Variants in PARP15 observed in about 807,000 individuals in gnomAD.
PARP15 encodes the protein protein mono-ADP-ribosyltransferase PARP15.
PARP15 carries 50 observed loss-of-function variants against 62.1 expected under a neutral mutation model. The observed-to-expected ratio is 0.81, with a 90% CI of 0.64 to 1.02. The LOEUF (loss-of-function observed/expected upper bound fraction) is 1.02, where lower values mean the gene tolerates loss of function less well. Among genes scored for constraint, PARP15 ranks in the 50% least tolerant of loss-of-function variants. PARP15 has a pLI of 0.00. For synonymous variants in PARP15, 309 were observed against 293.1 expected (o/e 1.05, Z -0.55); for missense variants, 820 against 826.5 (o/e 0.99, Z 0.10).
intron 6 of PARP15, 106 bp from the exon 7 acceptor site, chr3:122,619,675 G>A: frequency 1.0e-6 from 1 of 979,420 alleles, no homozygotes; most frequent in East Asian, 2.4e-5. Context: ...GGTGGTCAAT[G>A]GATTATGCAC....
chr3:122,613,403 T>G, intron 4 of PARP15, 135 bp downstream of exon 4: 1 of 750,826 alleles, frequency 1.3e-6, no homozygotes, highest in Non-Finnish European at 2.2e-6. Context: ...GAGGTTGTCA[T>G]ATGACTTAAC....
chr3:122,605,158 T>C (rs1350748880), intron 1 of PARP15, among the ~76,000 whole-genome samples: 2 of 152,186 alleles, frequency 1.3e-5, no homozygotes. Flanking sequence ...GCAAGGTTGC[T>C]GCTGTATTTT....
At chr3:122,630,163 G>A (rs1454202745) in intron 9 of PARP15, among the ~76,000 whole-genome samples, 3 of 152,174 alleles carry the variant, frequency 2.0e-5, no homozygotes, top group Non-Finnish European at 4.4e-5. Context: ...CTGTGAAGCC[G>A]TGGGCTGCAA....
intron 1 of PARP15, among the ~76,000 whole-genome samples, chr3:122,586,816 AG>A (rs1425398100): frequency 2.0e-5 from 3 of 151,952 alleles, no homozygotes; most frequent in African/African-American, 7.3e-5. Context: ...TATCACCCAA[AG>A]CCCCTAGTTT....
intron 2 of PARP15, among the ~76,000 whole-genome samples, chr3:122,609,257 A>G (rs1288422847): frequency 6.6e-6 from 1 of 152,210 alleles, no homozygotes; most frequent in Non-Finnish European, 1.5e-5. Context: ...TGCTAACTTC[A>G]TATAATACCT....
intron 9 of PARP15, among the ~76,000 whole-genome samples, chr3:122,628,789 G>A (rs543613642): frequency 1.6e-4 from 24 of 152,264 alleles, no homozygotes; most frequent in South Asian, 4.1e-4. Flanking sequence ...ACTGCATTAC[G>A]TCATCTTTGT....
chr3:122,611,977 G>A (rs574578373), intron 3 of PARP15, among the ~76,000 whole-genome samples: 57 of 152,190 alleles, frequency 3.7e-4, no homozygotes, highest in Non-Finnish European at 7.1e-4. Context: ...TCCTCCCAAA[G>A]TGCTGGGATT....
chr3:122,634,805 G>T (rs764180901), intron 10 of PARP15, among the ~76,000 whole-genome samples: 7 of 152,188 alleles, frequency 4.6e-5, no homozygotes, highest in Non-Finnish European at 8.8e-5. Context: ...ACAAAGCATA[G>T]ACACTAATAG....
rs911520122 is a variant in PARP15 at position 122,615,500 on chromosome 3, A to G, written c.772-279A>G. On this transcript the variant is annotated intron_variant, in intron 4 of 11. Coordinates refer to ENST00000464300, the MANE Select transcript of PARP15 (RefSeq NM_001113523.3). ...AGGGATAACGATAGTGGTCACAAAA[A>G]AGGCATGTGACTTCCTGCAGAGCCA... 3.9e-5 allele frequency: 46 copies of G among 1,179,492 alleles called. 1 individual carries two copies. Among genetic ancestry groups the G allele is most frequent in the Non-Finnish European group, 4.4e-5 (39 of 884,444 alleles). 73.1% of individuals were successfully genotyped at this position (1,179,492 alleles called of 1,614,324 possible).
At chr3:122,635,262 G>T (rs1937289988) in intron 11 of PARP15, 68 bp downstream of exon 11, 2 of 1,457,928 alleles carry the variant, frequency 1.4e-6, no homozygotes, top group African/African-American at 2.8e-5. Flanking sequence ...TCATACCCAA[G>T]CAGTGTGGAA....
chr3:122,633,815 G>C (rs902420101), intron 10 of PARP15, among the ~76,000 whole-genome samples: 12 of 152,196 alleles, frequency 7.9e-5, no homozygotes, highest in African/African-American at 2.9e-4. Flanking sequence ...TTTCAATTGT[G>C]TTTACACAAT....
chr3:122,584,573 C>CTTTTTT (rs377394521), intron 1 of PARP15, among the ~76,000 whole-genome samples: 11,019 of 136,024 alleles, frequency 0.081, 650 homozygotes, highest in Admixed American at 0.11. Flanking sequence ...CCATTTCTTT[C>CTTTTTT]CTTTTTTTTT....
At chr3:122,623,106 C>G (rs538683535) in intron 8 of PARP15, among the ~76,000 whole-genome samples, 22 of 152,156 alleles carry the variant, frequency 1.4e-4, no homozygotes, top group Non-Finnish European at 2.8e-4. Context: ...TTGCTATCGG[C>G]GGTAATGAGG....
chr3:122,612,368 C>CTTT (rs111945019), intron 3 of PARP15, among the ~76,000 whole-genome samples: 5 of 143,924 alleles, frequency 3.5e-5, no homozygotes, highest in African/African-American at 1.3e-4. Context: ...TATTCTCTCT[C>CTTT]TTTTTTTTTT....
chr3:122,605,813 C>T (rs922165810), intron 1 of PARP15, 123 bp from the exon 2 acceptor site: 2 of 944,106 alleles, frequency 2.1e-6, no homozygotes, highest in Middle Eastern at 2.6e-4. Context: ...AACTCCTGGG[C>T]TCAAGTGATT....
In PARP15 at chr3:122,581,283, A is replaced by T. The variant is rs547346467; in HGVS notation, c.186+3430A>T. ...TATTTTTAATTTTTTTGGGACTGCC[A>T]TGCTGTTTTCCATAGCAACCAAATC... On this transcript the variant is annotated intron_variant, in intron 1 of 11. Coordinates refer to ENST00000464300, the MANE Select transcript of PARP15 (RefSeq NM_001113523.3). 2.6e-5 allele frequency among the ~76,000 whole-genome samples: 4 copies of T among 152,316 alleles called. No individual in the cohort carries two copies. In the East Asian group the frequency reaches 7.7e-4, roughly 29 times the overall value.
At chr3:122,588,612 T>C (rs1329966892) in intron 1 of PARP15, among the ~76,000 whole-genome samples, 2 of 152,068 alleles carry the variant, frequency 1.3e-5, no homozygotes, top group East Asian at 1.9e-4. Context: ...GAACCATGAT[T>C]GCGCCACTGC....
chr3:122,636,312 G>C lies in PARP15; in HGVS notation c.*212G>C. ...ATGGGTGGAAGCTGAGAAATGTATG[G>C]TAAATGTCACAGAGCTACAACCATT... is the stretch of plus-strand genomic sequence containing the variant. On this transcript the variant is annotated 3_prime_UTR_variant, in exon 12 of 12. Transcript: ENST00000464300. 1 of 547,632 alleles carries C rather than the reference G, an allele frequency of 1.8e-6. No individual in the cohort carries two copies. Among genetic ancestry groups the C allele is most frequent in the Middle Eastern group, 5.0e-4 (1 of 2,018 alleles). 33.9% of individuals were successfully genotyped at this position (547,632 alleles called of 1,614,324 possible). A position where few individuals can be genotyped will look rare whatever the true frequency, so the allele number is the denominator to read the frequency against.
chr3:122,595,501 G>A (rs965029439), intron 1 of PARP15, among the ~76,000 whole-genome samples: 7 of 151,998 alleles, frequency 4.6e-5, no homozygotes, highest in Admixed American at 1.3e-4. Flanking sequence ...TTTTTCACTC[G>A]CTGCTAGGAC....
Sources: allele counts gnomAD v4.1 joint callset (sites outside exome capture counted in the v4.1 genomes callset), GRCh38; gene constraint gnomAD v4.1.1; transcripts MANE v1.5; gene names NCBI Gene and HGNC (gene_info 2026-07-23, HGNC 2026-07-21).